SLC37A3: variants seen among roughly 807,000 people sequenced by gnomAD.
SLC37A3 encodes the protein solute carrier family 37 member 3.
A neutral mutation model predicts 67.1 loss-of-function variants in SLC37A3; 51 were observed. The observed-to-expected ratio is 0.76, with a 90% CI of 0.61 to 0.96. SLC37A3 has a LOEUF of 0.96. Among genes scored for constraint, SLC37A3 ranks in the 40% least tolerant of loss-of-function variants. SLC37A3 has a pLI of 0.00. For synonymous variants in SLC37A3, 214 were observed against 231.4 expected (o/e 0.92, Z 0.68); for missense variants, 508 against 603.0 (o/e 0.84, Z 1.65).
intron 5 of SLC37A3, among the ~76,000 whole-genome samples, chr7:140,362,938 G>T (rs1797417479): frequency 1.2e-5 from 1 of 82,472 alleles, no homozygotes; most frequent in Non-Finnish European, 2.7e-5. Flanking sequence ...GTCCGGGAGG[G>T]AGGTGGCGGG....
intron 4 of SLC37A3, among the ~76,000 whole-genome samples, chr7:140,365,430 A>G (rs1797558445): frequency 6.6e-6 from 1 of 152,156 alleles, no homozygotes; most frequent in Non-Finnish European, 1.5e-5. Flanking sequence ...CTCTAAAAAA[A>G]AAAAAATTGG....
chr7:140,389,166 C>G (rs992314001), intron 1 of SLC37A3, among the ~76,000 whole-genome samples: 1 of 152,186 alleles, frequency 6.6e-6, no homozygotes, highest in African/African-American at 2.4e-5. Context: ...GGGGTCCAGT[C>G]TGCCTCTGCA....
intron 13 of SLC37A3, among the ~76,000 whole-genome samples, chr7:140,339,070 G>A (rs1796253056): frequency 6.6e-6 from 1 of 152,032 alleles, no homozygotes; most frequent in African/African-American, 2.4e-5. Context: ...AGACTGTAGT[G>A]TAATGGTATG....
intron 4 of SLC37A3, 94 bp downstream of exon 4, chr7:140,369,496 G>T: frequency 1.1e-6 from 1 of 929,338 alleles, no homozygotes; most frequent in Non-Finnish European, 1.6e-6. Context: ...GCCTCAGTCA[G>T]CAAATTCAAA....
intron 14 of SLC37A3, 31 bp downstream of exon 14, chr7:140,337,253 C>CT (rs11331602): frequency 0.084 from 106,361 of 1,260,968 alleles, 627 homozygotes; most frequent in Non-Finnish European, 0.095. Flanking sequence ...AGAAAAATGA[C>CT]TTTTTTTTTT....
chr7:140,353,514 TCCTACCCCACCTTCC>T (rs1262192896), intron 7 of SLC37A3, among the ~76,000 whole-genome samples: 3 of 151,818 alleles, frequency 2.0e-5, no homozygotes, highest in African/African-American at 7.3e-5. Context: ...AAACTCTCCT[TCCTACCCCACCTTCC>T]CCATCTGCTC....
intron 12 of SLC37A3, chr7:140,344,081 C>A (rs886932546): frequency 6.0e-6 from 1 of 166,504 alleles, no homozygotes; most frequent in African/African-American, 2.4e-5. Context: ...TTCCATGTAC[C>A]CCAAGTAGAA....
chr7:140,345,872 T>C lies in SLC37A3; in HGVS notation c.1123A>G (p.Ser375Gly), dbSNP rs949953835. The C allele has an allele frequency of 1.2e-6, 2 of 1,611,566 alleles. No homozygotes were observed. The highest frequency in any genetic ancestry group is 1.3e-5 in the African/African-American group (1 of 74,842). ...GTAATTGCAAAAGAATACTCACGACTATACCCGATGAGGGACCCAACTGCC... is the reference window on the plus strand; with the variant it reads ...GTAATTGCAAAAGAATACTCACGACCATACCCGATGAGGGACCCAACTGCC... ...LLAVGSLIGY[S>G]RSPNDKSINA... The change falls in exon 11 of 15, where the codon AGT (serine) becomes GGT (glycine). Residue 375 changes from serine to glycine, a missense_variant. Physicochemically the swap from Ser to Gly is moderately conservative, Grantham distance 56. Coordinates refer to ENST00000326232, the MANE Select transcript of SLC37A3 (RefSeq NM_207113.3).
intron 12 of SLC37A3, chr7:140,343,818 C>CTTCT (rs1400066620): frequency 4.8e-6 from 2 of 419,468 alleles, no homozygotes; most frequent in Non-Finnish European, 8.6e-6. Context: ...ACACATAGCC[C>CTTCT]TTCTAATCCT....
intron 1 of SLC37A3, among the ~76,000 whole-genome samples, chr7:140,386,028 C>T (rs1798435762): frequency 6.6e-6 from 1 of 152,154 alleles, no homozygotes; most frequent in Admixed American, 6.5e-5. Context: ...GATGATCCAC[C>T]CACCTTGGCC....
intron 1 of SLC37A3, among the ~76,000 whole-genome samples, chr7:140,386,084 T>C (rs1798438630): frequency 6.6e-6 from 1 of 151,278 alleles, no homozygotes; most frequent in Non-Finnish European, 1.5e-5. Context: ...TGCCTGGCCT[T>C]ATTTATTTAT....
chr7:140,341,031 G>A (rs1796342306), intron 13 of SLC37A3, among the ~76,000 whole-genome samples: 1 of 152,044 alleles, frequency 6.6e-6, no homozygotes, highest in Non-Finnish European at 1.5e-5. Flanking sequence ...GACTTCCCAG[G>A]CTCAAGCGAT....
At chr7:140,387,659 AATATAAATATATTAT>A (rs1484394566) in intron 1 of SLC37A3, among the ~76,000 whole-genome samples, 28 of 116,880 alleles carry the variant, frequency 2.4e-4, no homozygotes, top group Non-Finnish European at 3.3e-4. Context: ...ATATTATATA[AATATAAATATATTAT>A]ATATAAATAT....
At chr7:140,362,590 G>C (rs1350418836) in intron 5 of SLC37A3, among the ~76,000 whole-genome samples, 1 of 94,020 alleles carries the variant, frequency 1.1e-5, no homozygotes, top group African/African-American at 3.7e-5. Context: ...CCGTCCGGGA[G>C]GTGAGGGGCG....
At chr7:140,389,918 C>T (rs969162709) in intron 1 of SLC37A3, among the ~76,000 whole-genome samples, 1 of 152,036 alleles carries the variant, frequency 6.6e-6, no homozygotes, top group Non-Finnish European at 1.5e-5. Flanking sequence ...CAACAGACCC[C>T]GTCTCTACAA....
Position 140,333,812 on chromosome 7 carries a change from T to C in SLC37A3, c.*1600A>G, listed in dbSNP as rs1796032936. ...GTTTCGTATTTTCCCTTTTTGTCAGTAAATGAGCAATACACTGATTGGAAA... is the reference window on the plus strand; with the variant it reads ...GTTTCGTATTTTCCCTTTTTGTCAGCAAATGAGCAATACACTGATTGGAAA... On this transcript the variant is annotated 3_prime_UTR_variant, in exon 15 of 15. Transcript: ENST00000326232. 1 of 152,606 alleles carries C rather than the reference T, an allele frequency of 6.6e-6. No individual in the cohort carries two copies. The highest frequency in any genetic ancestry group is 1.5e-5 in the Non-Finnish European group (1 of 68,032). 9.5% of individuals were successfully genotyped at this position (152,606 alleles called of 1,614,324 possible).
At chr7:140,384,931 C>T (rs1234990374) in intron 1 of SLC37A3, among the ~76,000 whole-genome samples, 1 of 152,186 alleles carries the variant, frequency 6.6e-6, no homozygotes, top group Non-Finnish European at 1.5e-5. Flanking sequence ...CACAGCTCAA[C>T]AGATGCACCC....
intron 3 of SLC37A3, among the ~76,000 whole-genome samples, chr7:140,377,070 A>G (rs1438261484): frequency 6.6e-6 from 1 of 151,768 alleles, no homozygotes; most frequent in African/African-American, 2.4e-5. Flanking sequence ...CAGCCTCCCA[A>G]GAAGCTGGGA....
At chr7:140,382,060 TA>T (rs2129815818) in intron 2 of SLC37A3, among the ~76,000 whole-genome samples, 1 of 128,740 alleles carries the variant, frequency 7.8e-6, no homozygotes, top group African/African-American at 2.9e-5. Flanking sequence ...AAAAAAAAAG[TA>T]CAAAATAAAA....
Sources: allele counts gnomAD v4.1 joint callset (sites outside exome capture counted in the v4.1 genomes callset), GRCh38; gene constraint gnomAD v4.1.1; transcripts MANE v1.5; gene names NCBI Gene and HGNC (gene_info 2026-07-23, HGNC 2026-07-21).